PDE4B: variants seen among roughly 807,000 people sequenced by gnomAD.
The protein encoded by PDE4B is 3',5'-cyclic-AMP phosphodiesterase 4B.
A neutral mutation model predicts 82.2 loss-of-function variants in PDE4B; 20 were observed. The ratio of observed to expected loss-of-function variants is 0.24; its 90% CI spans 0.17 to 0.35. PDE4B has a LOEUF of 0.35. Among genes scored for constraint, PDE4B ranks in the 10% least tolerant of loss-of-function variants. The probability of loss-of-function intolerance (pLI) is 1.00; values close to 1 mark genes in which losing one functional copy is unlikely to be tolerated. For missense variants in PDE4B, 655 were observed against 907.2 expected (o/e 0.72, Z 3.57); for synonymous variants, 320 against 318.9 (o/e 1.00, Z -0.04).
At chr1:66,008,838 G>A (rs964357373) in intron 3 of PDE4B, among the ~76,000 whole-genome samples, 13 of 152,008 alleles carry the variant, frequency 8.6e-5, no homozygotes, top group Admixed American at 3.9e-4. Context: ...TCTCTTTCTC[G>A]GTTGGTTCCT....
At chr1:65,815,805 A>G (rs1409642747) in intron 1 of PDE4B, among the ~76,000 whole-genome samples, 1 of 152,208 alleles carries the variant, frequency 6.6e-6, no homozygotes, top group Non-Finnish European at 1.5e-5. Context: ...AGAATATTGG[A>G]CAAAGTATAT....
chr1:66,250,330 C>A (rs543406767), intron 4 of PDE4B, among the ~76,000 whole-genome samples: 1 of 152,266 alleles, frequency 6.6e-6, no homozygotes, highest in South Asian at 2.1e-4. Flanking sequence ...CAGCACAGAG[C>A]TGTCATGAAT....
intron 16 of PDE4B, among the ~76,000 whole-genome samples, chr1:66,371,821 G>A (rs984191546): frequency 1.3e-5 from 2 of 152,204 alleles, no homozygotes; most frequent in African/African-American, 4.8e-5. Flanking sequence ...GTCAAAACAC[G>A]TTAGACCTGG....
chr1:66,058,662 C>T (rs1173252634), intron 3 of PDE4B, among the ~76,000 whole-genome samples: 1 of 152,246 alleles, frequency 6.6e-6, no homozygotes, highest in Non-Finnish European at 1.5e-5. Flanking sequence ...CCTCTGAAGC[C>T]ATGGCCTGAG....
At chr1:66,024,727 C>A (rs2100778845) in intron 3 of PDE4B, among the ~76,000 whole-genome samples, 1 of 152,020 alleles carries the variant, frequency 6.6e-6, no homozygotes, top group South Asian at 2.1e-4. Context: ...ATAGATGAAT[C>A]TTTTTCACCA....
At chr1:65,800,642 C>T (rs996718099) in intron 1 of PDE4B, among the ~76,000 whole-genome samples, 21 of 152,130 alleles carry the variant, frequency 1.4e-4, no homozygotes, top group Middle Eastern at 3.4e-3. Flanking sequence ...GGATATTGTT[C>T]GACAAAACAT....
rs531214187 is a variant in PDE4B at position 65,930,103 on chromosome 1, G to T, written c.281+11268G>T. Among the ~76,000 whole-genome samples the T allele has an allele frequency of 7.8e-4, 119 of 152,250 alleles. 1 individual carries two copies. Among genetic ancestry groups the T allele is most frequent in the African/African-American group, 2.8e-3 (115 of 41,556 alleles). On this transcript the variant is annotated intron_variant, in intron 3 of 16. Transcript: ENST00000341517. The stretch of plus-strand genomic sequence containing the variant: ...CTGAGTCTCAAAACTGAAGAACTTG[G>T]AGTCCAATGTTTGAGGGCAGGAAGC...
intron 3 of PDE4B, among the ~76,000 whole-genome samples, chr1:66,002,090 G>A (rs950979072): frequency 1.3e-5 from 2 of 152,034 alleles, no homozygotes; most frequent in Non-Finnish European, 2.9e-5. Context: ...CCACTTTATA[G>A]TCTTACTAGC....
intron 3 of PDE4B, among the ~76,000 whole-genome samples, chr1:66,108,982 A>G (rs1345784323): frequency 6.6e-6 from 1 of 151,964 alleles, no homozygotes; most frequent in African/African-American, 2.4e-5. Context: ...ATTCCATTAT[A>G]TGCATTTTCT....
chr1:66,236,332 T>C (rs1652448057), intron 3 of PDE4B, among the ~76,000 whole-genome samples: 1 of 152,224 alleles, frequency 6.6e-6, no homozygotes, highest in Non-Finnish European at 1.5e-5. Context: ...TGTACTCTTG[T>C]CATATAGTTT....
Position 66,045,844 on chromosome 1 carries a change from G to T in PDE4B, c.281+127009G>T, listed in dbSNP as rs74789112. Among the ~76,000 whole-genome samples the T allele has an allele frequency of 4.8e-3, 732 of 151,866 alleles. 12 individuals carry two copies. In the East Asian group the frequency reaches 0.052, roughly 11 times the overall value. ...TGGGCTGAGAGATGTGCAAATAAAT[G>T]CTGTGTTCTAGGAACCATGTATAGT... On this transcript the variant is annotated intron_variant, in intron 3 of 16. Coordinates refer to ENST00000341517, the MANE Select transcript of PDE4B (RefSeq NM_002600.4).
intron 3 of PDE4B, among the ~76,000 whole-genome samples, chr1:65,994,408 TG>T (rs1385411071): frequency 2.6e-5 from 4 of 152,286 alleles, no homozygotes; most frequent in Middle Eastern, 3.4e-3. Flanking sequence ...AGATTTTCTT[TG>T]GTCATCTTCT....
intron 1 of PDE4B, among the ~76,000 whole-genome samples, chr1:65,869,022 T>A (rs769658823): frequency 6.6e-6 from 1 of 152,148 alleles, no homozygotes; most frequent in Non-Finnish European, 1.5e-5. Flanking sequence ...ACAGATAATC[T>A]GGGTCAGTGA....
chr1:66,296,413 C>A (rs766233379), intron 7 of PDE4B, among the ~76,000 whole-genome samples: 1 of 152,100 alleles, frequency 6.6e-6, no homozygotes, highest in East Asian at 1.9e-4. Flanking sequence ...GATGTGCTGA[C>A]CCTCATTGCA....
At chr1:66,051,451 G>A (rs988083319) in intron 3 of PDE4B, among the ~76,000 whole-genome samples, 4 of 152,052 alleles carry the variant, frequency 2.6e-5, no homozygotes, top group Non-Finnish European at 4.4e-5. Flanking sequence ...TTAGGGAACG[G>A]AATCTGGGAA....
intron 3 of PDE4B, among the ~76,000 whole-genome samples, chr1:66,216,994 C>A (rs912099436): frequency 6.6e-6 from 1 of 152,126 alleles, no homozygotes; most frequent in African/African-American, 2.4e-5. Flanking sequence ...TCAAATAAAG[C>A]CTCGAACTTA....
chr1:65,891,806 A>G (rs1646855882), intron 1 of PDE4B, among the ~76,000 whole-genome samples: 1 of 152,064 alleles, frequency 6.6e-6, no homozygotes, highest in South Asian at 2.1e-4. Flanking sequence ...GGATTGAATG[A>G]TTAGTATTAA....
chr1:66,229,646 C>T (rs1411265254), intron 3 of PDE4B, among the ~76,000 whole-genome samples: 1 of 152,172 alleles, frequency 6.6e-6, no homozygotes, highest in Admixed American at 6.5e-5. Flanking sequence ...TGAGGAATTA[C>T]ATTTCAGAGA....
intron 3 of PDE4B, among the ~76,000 whole-genome samples, chr1:66,151,072 CTTCTT>C (rs1646383413): frequency 6.6e-6 from 1 of 151,120 alleles, no homozygotes; most frequent in Admixed American, 6.6e-5. Context: ...AGTGTTTCCT[CTTCTT>C]TTATTTGTTG....
Sources: allele counts gnomAD v4.1 joint callset (sites outside exome capture counted in the v4.1 genomes callset), GRCh38; gene constraint gnomAD v4.1.1; transcripts MANE v1.5; gene names NCBI Gene and HGNC (gene_info 2026-07-23, HGNC 2026-07-21).